The following MEF2A variants were observed in gnomAD, a reference collection of about 807,000 sequenced individuals.
The protein encoded by MEF2A is myocyte enhancer factor 2A.
Under a neutral mutation model 55.8 loss-of-function variants are expected in MEF2A, and 28 were observed. That is an observed-to-expected ratio of 0.50 (90% CI 0.37 to 0.69). MEF2A has a LOEUF of 0.69. MEF2A is among the 30% of genes least tolerant of loss of function. The pLI is 0.00. For missense variants in MEF2A, 528 were observed against 626.2 expected (o/e 0.84, Z 1.67); for synonymous variants, 239 against 227.1 (o/e 1.05, Z -0.47).
At chr15:99,612,365 C>T (rs536303719) in intron 2 of MEF2A, among the ~76,000 whole-genome samples, 286 of 150,970 alleles carry the variant, frequency 1.9e-3, no homozygotes, top group African/African-American at 6.5e-3. Flanking sequence ...TGCAGTAAGC[C>T]GAGATCACAC....
chr15:99,603,766 A>G (rs1308559955), intron 2 of MEF2A, among the ~76,000 whole-genome samples: 1 of 152,096 alleles, frequency 6.6e-6, no homozygotes, highest in Non-Finnish European at 1.5e-5. Flanking sequence ...TAAAAATGTT[A>G]ACTAGGTCAC....
In MEF2A at chr15:99,690,405, A is replaced by G. The variant is rs2055155186; in HGVS notation, c.835A>G (p.Ser279Gly). Residue 279 changes from serine to glycine, a missense_variant, in exon 8 of 12, where the codon AGC becomes GGC. Coordinates refer to ENST00000557942, the MANE Select transcript of MEF2A (RefSeq NM_001319206.4). ...PDLRVVIPPS[S>G]KGMMPPLSEE... ...TCTTCGAGTTGTCATCCCCCCTTCA[A>G]GCAAGGGCATGATGCCTCCACTAGT... 2 of 1,603,782 alleles carry G rather than the reference A, an allele frequency of 1.2e-6. No homozygotes were observed. Among genetic ancestry groups the G allele is most frequent in the African/African-American group, 1.3e-5 (1 of 74,630 alleles).
chr15:99,623,166 C>T (rs1331393505), intron 2 of MEF2A, among the ~76,000 whole-genome samples: 2 of 152,124 alleles, frequency 1.3e-5, no homozygotes, highest in African/African-American at 4.8e-5. Flanking sequence ...TAGATTGGTC[C>T]TTTTGTGATT....
intron 2 of MEF2A, among the ~76,000 whole-genome samples, chr15:99,631,185 A>G: frequency 6.6e-6 from 1 of 152,228 alleles, no homozygotes; most frequent in Non-Finnish European, 1.5e-5. Context: ...TAGGTGATAT[A>G]AGGTAGTACA....
chr15:99,709,414 G>A (rs946374047), intron 10 of MEF2A, among the ~76,000 whole-genome samples: 1 of 152,248 alleles, frequency 6.6e-6, no homozygotes, highest in Non-Finnish European at 1.5e-5. Flanking sequence ...GCACTAGGTC[G>A]TTTAAAAGAT....
intron 7 of MEF2A, among the ~76,000 whole-genome samples, chr15:99,687,010 T>A: frequency 6.6e-6 from 1 of 151,602 alleles, no homozygotes; most frequent in Admixed American, 6.6e-5. Context: ...CTGCAACCTC[T>A]GCCTCCTGGG....
At chr15:99,706,611 G>C in intron 9 of MEF2A, 118 bp from the exon 10 acceptor site, 1 of 1,136,482 alleles carries the variant, frequency 8.8e-7, no homozygotes, top group Non-Finnish European at 1.3e-6. Context: ...CACATCATCA[G>C]TGCTTCAGAA....
chr15:99,594,600 C>G (rs1970536105), intron 1 of MEF2A, among the ~76,000 whole-genome samples: 1 of 152,004 alleles, frequency 6.6e-6, no homozygotes, highest in East Asian at 1.9e-4. Flanking sequence ...AACATCAACC[C>G]TCTGTTCATG....
At chr15:99,691,657 C>G (rs1305936970) in intron 8 of MEF2A, among the ~76,000 whole-genome samples, 1 of 151,930 alleles carries the variant, frequency 6.6e-6, no homozygotes, top group Non-Finnish European at 1.5e-5. Context: ...GAGATCACAC[C>G]ACTGCACTCC....
intron 7 of MEF2A, among the ~76,000 whole-genome samples, chr15:99,677,027 A>C (rs2052245550): frequency 6.6e-6 from 1 of 152,080 alleles, no homozygotes; most frequent in Non-Finnish European, 1.5e-5. Flanking sequence ...AGGCTGAGGC[A>C]GGAGCATCAC....
chr15:99,684,646 T>C (rs1239511783), intron 7 of MEF2A, among the ~76,000 whole-genome samples: 1 of 152,244 alleles, frequency 6.6e-6, no homozygotes, highest in Non-Finnish European at 1.5e-5. Context: ...TTTCTCCCAC[T>C]CTCTGGGTTG....
intron 3 of MEF2A, among the ~76,000 whole-genome samples, chr15:99,641,623 T>C (rs1373136704): frequency 6.6e-6 from 1 of 152,038 alleles, no homozygotes; most frequent in Non-Finnish European, 1.5e-5. Flanking sequence ...CTCGGGAGGC[T>C]GAGGCAGGAG....
chr15:99,707,005 G>A (rs1567503974), intron 10 of MEF2A, 150 bp downstream of exon 10: 1 of 1,057,292 alleles, frequency 9.5e-7, no homozygotes, highest in Non-Finnish European at 1.3e-6. Context: ...CAATGTGCTA[G>A]CCTTGAAAAA....
In MEF2A at chr15:99,712,564, A is replaced by G; in HGVS notation, c.1311A>G (p.Pro437=). Residue 437 remains proline, a synonymous_variant, in exon 12 of 12, where the codon CCA becomes CCG. Coordinates refer to ENST00000557942, the MANE Select transcript of MEF2A (RefSeq NM_001319206.4). This position sits in a 1 kb window ranked among gnomAD's most constrained non-coding sequence, Gnocchi z 4.1. The part of the protein sequence containing the change: ...QQPPPPPQPQ[P]QPPQPQPRQE... ...CGCCGCCACCACCGCAGCCCCAGCC[A>G]CAACCCCCGCAGCCCCAGCCCCGAC... is the stretch of plus-strand genomic sequence containing the variant. 1.3e-6 allele frequency: 2 copies of G among 1,547,894 alleles called. No individual in the cohort carries two copies. The highest frequency in any genetic ancestry group is 2.7e-5 in the African/African-American group (2 of 72,842).
chr15:99,572,614 T>C (rs1489873928), intron 1 of MEF2A, among the ~76,000 whole-genome samples: 2 of 152,232 alleles, frequency 1.3e-5, no homozygotes, highest in East Asian at 3.8e-4. Flanking sequence ...TATTTGATGC[T>C]TCTGTATCTT....
chr15:99,691,131 G>T, intron 8 of MEF2A, among the ~76,000 whole-genome samples: 1 of 126,794 alleles, frequency 7.9e-6, no homozygotes. Context: ...TCGTTTTAAG[G>T]AGTGAAATTT....
At chr15:99,629,843 G>C (rs1012031527) in intron 2 of MEF2A, among the ~76,000 whole-genome samples, 3 of 152,130 alleles carry the variant, frequency 2.0e-5, no homozygotes, top group African/African-American at 7.2e-5. Context: ...GGGAGGCTGA[G>C]GCAGGAGAAT....
chr15:99,591,301 A>T (rs1282200451), intron 1 of MEF2A, among the ~76,000 whole-genome samples: 1 of 152,004 alleles, frequency 6.6e-6, no homozygotes, highest in Non-Finnish European at 1.5e-5. Flanking sequence ...CTTTATATAG[A>T]TTTTAGCTTA....
At chr15:99,621,391 A>G (rs984750887) in intron 2 of MEF2A, among the ~76,000 whole-genome samples, 1 of 152,084 alleles carries the variant, frequency 6.6e-6, no homozygotes, top group African/African-American at 2.4e-5. Context: ...TTCTTAGACT[A>G]AATTCTTGAA....
Sources: gnomAD v4.1 joint callset for allele counts (sites outside exome capture counted in the v4.1 genomes callset) on GRCh38, gnomAD v4.1.1 for gene constraint, Gnocchi (gnomAD v3.1) non-coding constraint, MANE v1.5 for transcripts, NCBI Gene and HGNC (gene_info 2026-07-23, HGNC 2026-07-21) for gene names.